ATP1B1: variants seen among roughly 807,000 people sequenced by gnomAD.
The protein encoded by ATP1B1 is ATPase Na+/K+ transporting subunit beta 1, also known as sodium/potassium-transporting ATPase subunit beta-1.
Under a neutral mutation model 39.6 loss-of-function variants are expected in ATP1B1, and 3 were observed. The observed-to-expected ratio is 0.08, with a 90% CI of 0.03 to 0.20. ATP1B1 has a LOEUF of 0.20. ATP1B1 is among the 10% of genes least tolerant of loss of function. ATP1B1 has a pLI of 1.00. For missense variants in ATP1B1, 216 were observed against 371.1 expected (o/e 0.58, Z 3.43); for synonymous variants, 139 against 135.0 (o/e 1.03, Z -0.20).
In ATP1B1 at chr1:169,124,908, A is replaced by G. The variant is rs1354036768; in HGVS notation, c.251A>G (p.Gln84Arg). ...GGATTAACACAGATTCCTCAGATCC[A>G]GAAGACTGAAATTTCCTTTCGTCCT... The part of the protein sequence containing the change: ...PPGLTQIPQI[Q>R]KTEISFRPND... The change falls in exon 3 of 6, where the codon CAG becomes CGG. Residue 84 changes from glutamine (Q) to arginine (R), a missense_variant. Physicochemically the swap from Gln to Arg is conservative, Grantham distance 43. Transcript: ENST00000367815. 1.2e-6 allele frequency: 2 copies of G among 1,614,028 alleles called. No individual in the cohort carries two copies. Among genetic ancestry groups the G allele is most frequent in the East Asian group, 2.2e-5 (1 of 44,874 alleles).
Position 169,111,300 on chromosome 1 carries a change from G to A in ATP1B1, c.98-70G>A, listed in dbSNP as rs1053427584. On this transcript the variant is annotated intron_variant, in intron 1 of 5. Transcript: ENST00000367815. ...AACCAGGAAGGAAGCTTGTTCATCC[G>A]TGGGAAGATTAAACTTTCATTCTGA... 130 of 1,589,736 alleles carry A rather than the reference G, an allele frequency of 8.2e-5. 1 individual carries two copies. In the South Asian group the frequency reaches 1.2e-3, roughly 15 times the overall value.
intron 2 of ATP1B1, among the ~76,000 whole-genome samples, chr1:169,120,640 C>T (rs985967117): frequency 6.6e-6 from 1 of 152,198 alleles, no homozygotes; most frequent in African/African-American, 2.4e-5. Flanking sequence ...TCTGATGCTT[C>T]TGTAAGAGCA....
chr1:169,106,714 G>A lies in ATP1B1; in HGVS notation c.-116G>A, dbSNP rs1170440712. ...CACTCCGAGAGCCGCAGCGGCAGCG[G>A]CGCGTCCTGCCTGCAGAGAGCCAGG... On this transcript the variant is annotated 5_prime_UTR_variant, in exon 1 of 6. Coordinates refer to ENST00000367815, the MANE Select transcript of ATP1B1 (RefSeq NM_001677.4). 5 of 736,440 alleles carry A rather than the reference G, an allele frequency of 6.8e-6. No individual in the cohort carries two copies. Among genetic ancestry groups the A allele is most frequent in the Non-Finnish European group, 1.0e-5 (5 of 491,924 alleles). 45.6% of individuals were successfully genotyped at this position (736,440 alleles called of 1,614,324 possible).
At chr1:169,128,117 TA>T (rs1371595375) in intron 4 of ATP1B1, among the ~76,000 whole-genome samples, 1 of 152,222 alleles carries the variant, frequency 6.6e-6, no homozygotes, top group Admixed American at 6.5e-5. Flanking sequence ...TCTGCTTTTG[TA>T]AAGCTGGTCA....
At chr1:169,119,883 A>G (rs1223996529) in intron 2 of ATP1B1, among the ~76,000 whole-genome samples, 1 of 152,072 alleles carries the variant, frequency 6.6e-6, no homozygotes, top group Non-Finnish European at 1.5e-5. Context: ...TAACAGTCTG[A>G]TAATCCTAAA....
chr1:169,118,517 C>CGAGAG (rs1473831661), intron 2 of ATP1B1, among the ~76,000 whole-genome samples: 1 of 152,168 alleles, frequency 6.6e-6, no homozygotes, highest in Non-Finnish European at 1.5e-5. Context: ...CTGTGCCTCT[C>CGAGAG]CCCTTACTTT....
chr1:169,115,463 C>T (rs12354203), intron 2 of ATP1B1, among the ~76,000 whole-genome samples: 25 of 151,526 alleles, frequency 1.6e-4, no homozygotes, highest in African/African-American at 5.6e-4. Flanking sequence ...ATTCTCCTGC[C>T]TCAGCCTCCC....
rs1657601758 is a variant in ATP1B1, at chr1:169,106,819, C to G, written c.-11C>G. Reference sequence around the variant, plus strand: ...CCTCCGGACCGCGGCAGCTGCTGACCCGCCATCGCCATGGCCCGCGGGAAA... The same window carrying G: ...CCTCCGGACCGCGGCAGCTGCTGACGCGCCATCGCCATGGCCCGCGGGAAA... On this transcript the variant is annotated 5_prime_UTR_variant, in exon 1 of 6. Coordinates refer to ENST00000367815, the MANE Select transcript of ATP1B1 (RefSeq NM_001677.4). 6.4e-7 allele frequency: 1 copy of G among 1,572,054 alleles called. No homozygotes were observed. The highest frequency in any genetic ancestry group is 8.6e-7 in the Non-Finnish European group (1 of 1,162,272).
intron 5 of ATP1B1, 41 bp downstream of exon 5, chr1:169,130,131 G>T: frequency 6.4e-7 from 1 of 1,555,098 alleles, no homozygotes; most frequent in Non-Finnish European, 8.9e-7. Context: ...TGGAAGGGTA[G>T]GCAGAGGAAG....
At chr1:169,109,441 C>G (rs970438056) in intron 1 of ATP1B1, among the ~76,000 whole-genome samples, 1 of 151,092 alleles carries the variant, frequency 6.6e-6, no homozygotes, top group Non-Finnish European at 1.5e-5. Context: ...CCCCTCTAGT[C>G]CTGAGTGCTC....
chr1:169,115,349 T>C (rs2101779575), intron 2 of ATP1B1, among the ~76,000 whole-genome samples: 1 of 144,352 alleles, frequency 6.9e-6, no homozygotes, highest in East Asian at 1.9e-4. Flanking sequence ...TTTTCTTTTT[T>C]TCTTTTTTTT....
intron 1 of ATP1B1, among the ~76,000 whole-genome samples, chr1:169,111,086 CTT>C (rs1272839252): frequency 6.6e-6 from 1 of 152,032 alleles, no homozygotes; most frequent in East Asian, 1.9e-4. Context: ...AATATGGATA[CTT>C]TTTTTAAAAT....
At chr1:169,126,541 A>G (rs934079162) in intron 3 of ATP1B1, among the ~76,000 whole-genome samples, 7 of 152,136 alleles carry the variant, frequency 4.6e-5, no homozygotes, top group Admixed American at 1.3e-4. Flanking sequence ...GCAAGACCCC[A>G]GTCTCTGCAA....
At chr1:169,119,764 A>G (rs192836613) in intron 2 of ATP1B1, among the ~76,000 whole-genome samples, 1 of 152,140 alleles carries the variant, frequency 6.6e-6, no homozygotes, top group Non-Finnish European at 1.5e-5. Context: ...TGCATTTACT[A>G]ACCCTGCTAA....
At chr1:169,124,524 A>G (rs7517394) in intron 2 of ATP1B1, among the ~76,000 whole-genome samples, 64,551 of 152,044 alleles carry the variant, frequency 0.42, 15,148 homozygotes, top group Non-Finnish European at 0.53. Context: ...TACTAGAAAC[A>G]TAATGGGCTT....
At chr1:169,127,048 T>C (rs151064495) in intron 3 of ATP1B1, among the ~76,000 whole-genome samples, 176 bp from the exon 4 acceptor site, 334 of 152,314 alleles carry the variant, frequency 2.2e-3, no homozygotes, top group African/African-American at 7.3e-3. Flanking sequence ...TCTTTTAATA[T>C]GAGTGAAGAG....
intron 2 of ATP1B1, among the ~76,000 whole-genome samples, chr1:169,123,585 CTATA>C (rs377350232): frequency 1.5e-5 from 2 of 137,926 alleles, no homozygotes; most frequent in African/African-American, 2.6e-5. Context: ...ATCTCTCTCT[CTATA>C]TATATATATA....
intron 2 of ATP1B1, 45 bp from the exon 3 acceptor site, chr1:169,124,839 T>G: frequency 6.3e-7 from 1 of 1,589,832 alleles, no homozygotes. Flanking sequence ...TGAATTGTCT[T>G]CGTTTCTGCC....
intron 2 of ATP1B1, 126 bp downstream of exon 2, chr1:169,111,624 A>G (rs1657733537): frequency 7.5e-7 from 1 of 1,339,640 alleles, no homozygotes; most frequent in Non-Finnish European, 1.0e-6. Context: ...AAAAGGGAAA[A>G]GAGAAACTTC....
Sources: allele counts gnomAD v4.1 joint callset (sites outside exome capture counted in the v4.1 genomes callset), GRCh38; gene constraint gnomAD v4.1.1; transcripts MANE v1.5; gene names NCBI Gene and HGNC (gene_info 2026-07-23, HGNC 2026-07-21).